CFAP20DC: variants seen among roughly 807,000 people sequenced by gnomAD.
CFAP20DC encodes the protein protein CFAP20DC.
In CFAP20DC, 84 loss-of-function variants were observed where a neutral mutation model predicts 101.7. That is an observed-to-expected ratio of 0.83 (90% CI 0.69 to 0.99). CFAP20DC has a LOEUF of 0.99. CFAP20DC is among the 50% of genes least tolerant of loss of function. The pLI is 0.00. For synonymous variants in CFAP20DC, 359 were observed against 351.2 expected, an observed-to-expected ratio of 1.02 and a Z score of -0.25; for missense variants, 1,007 against 970.3, an observed-to-expected ratio of 1.04 and a Z score of -0.50.
chr3:58,852,056 C>T (rs1024890579), intron 12 of CFAP20DC, among the ~76,000 whole-genome samples: 1 of 152,120 alleles, frequency 6.6e-6, no homozygotes, highest in Non-Finnish European at 1.5e-5. Context: ...TGCCCAAAAC[C>T]ATTGCCATGA....
intron 13 of CFAP20DC, among the ~76,000 whole-genome samples, chr3:58,839,143 T>C (rs974411560): frequency 2.0e-5 from 3 of 152,184 alleles, no homozygotes; most frequent in African/African-American, 7.2e-5. Context: ...ATACCAACAT[T>C]TGTGTGTGCT....
At chr3:58,941,843 A>G (rs1446498273) in intron 4 of CFAP20DC, among the ~76,000 whole-genome samples, 1 of 152,214 alleles carries the variant, frequency 6.6e-6, no homozygotes, top group Non-Finnish European at 1.5e-5. Context: ...GACGTGAGCC[A>G]CTGTGCCCGG....
rs2077659168 is a variant in CFAP20DC, at chr3:58,846,543, T to C, written c.1971+2489A>G. On this transcript the variant is annotated intron_variant, in intron 13 of 16. Transcript: ENST00000482387. ...TACAAACAAATGGAAGAACATTCCA[T>C]GCTCATGGGTAGGAAGAATCAATAT... Among the ~76,000 whole-genome samples the C allele has an allele frequency of 3.3e-5, 5 of 150,296 alleles. No homozygotes were observed. The South Asian group carries it at 1.1e-3, about 32-fold the overall frequency.
intron 16 of CFAP20DC, 85 bp from the exon 17 acceptor site, chr3:58,742,657 T>C (rs969751116): frequency 3.2e-6 from 3 of 925,910 alleles, no homozygotes; most frequent in Admixed American, 2.3e-5. Flanking sequence ...GGAATCACCA[T>C]CTCTCCTGGG....
intron 4 of CFAP20DC, among the ~76,000 whole-genome samples, chr3:59,016,952 G>A (rs2093701867): frequency 6.6e-6 from 1 of 152,072 alleles, no homozygotes; most frequent in African/African-American, 2.4e-5. Flanking sequence ...GATGAAGAGA[G>A]GGGTCCTGAA....
intron 12 of CFAP20DC, among the ~76,000 whole-genome samples, chr3:58,853,380 C>T (rs1449443167): frequency 1.2e-4 from 18 of 152,042 alleles, no homozygotes; most frequent in East Asian, 7.7e-4. Context: ...ACCAGATGGA[C>T]TCACAGCCGA....
In CFAP20DC at chr3:58,856,826, C is replaced by T. The variant is rs73837988; in HGVS notation, c.1593+6732G>A. ...GATGTTTTTTAATTTAGTCTGGTAGCGAGACAGGGCTATCTTTTCTCTAAT... is the reference window on the plus strand; with the variant it reads ...GATGTTTTTTAATTTAGTCTGGTAGTGAGACAGGGCTATCTTTTCTCTAAT... On this transcript the variant is annotated intron_variant, in intron 12 of 16. Coordinates refer to ENST00000482387, the MANE Select transcript of CFAP20DC (RefSeq NM_001394063.1). Among the ~76,000 whole-genome samples, 294 of 152,128 alleles carry T rather than the reference C, an allele frequency of 1.9e-3. 1 individual carries two copies. The highest frequency in any genetic ancestry group is 6.6e-3 in the African/African-American group (275 of 41,508).
chr3:58,849,307 T>C lies in CFAP20DC; in HGVS notation c.1696A>G (p.Ser566Gly). The C allele has an allele frequency of 1.3e-6, 2 of 1,536,144 alleles. No individual in the cohort carries two copies. Among genetic ancestry groups the C allele is most frequent in the Non-Finnish European group, 1.7e-6 (2 of 1,146,902 alleles). Reference protein sequence around the residue: ...SLLGKAAKRTSKEYLRSAYTE... With the variant: ...SLLGKAAKRTGKEYLRSAYTE... ...TAGGCGCTCCTTAGATATTCCTTAC[T>C]TGTCCGCTTTGCAGCCTTCCCCAGC... is the stretch of plus-strand genomic sequence containing the variant. The change falls in exon 13 of 17, where the codon AGT (serine) becomes GGT (glycine). Residue 566 changes from serine to glycine, a missense_variant. Transcript: ENST00000482387.
At chr3:58,819,670 A>G (rs1262303641) in intron 14 of CFAP20DC, among the ~76,000 whole-genome samples, 1 of 145,232 alleles carries the variant, frequency 6.9e-6, no homozygotes, top group African/African-American at 2.6e-5. Context: ...AACCAAAAAG[A>G]GTCCAGGACC....
intron 5 of CFAP20DC, among the ~76,000 whole-genome samples, chr3:58,935,282 A>G (rs990520250): frequency 1.3e-5 from 2 of 151,966 alleles, no homozygotes; most frequent in Admixed American, 1.3e-4. Context: ...GAGGATACAA[A>G]CAAATGGAAG....
In CFAP20DC at chr3:58,810,010, T is replaced by C. The variant is rs769445358; in HGVS notation, c.2176-3554A>G. 9.2e-5 allele frequency among the ~76,000 whole-genome samples: 14 copies of C among 152,208 alleles called. No homozygotes were observed. In the South Asian group the frequency reaches 1.0e-3, roughly 11 times the overall value. On this transcript the variant is annotated intron_variant, in intron 14 of 16. Transcript: ENST00000482387. ...ATCCCACGACTAAACCAGGAAGAAG[T>C]TGAATCTCTGAATAGACCAATAACA...
intron 15 of CFAP20DC, among the ~76,000 whole-genome samples, chr3:58,763,405 T>C (rs2069878375): frequency 6.6e-6 from 1 of 152,364 alleles, no homozygotes; most frequent in Admixed American, 6.5e-5. Flanking sequence ...CTTTAAGGAC[T>C]TCTCTGCATT....
intron 5 of CFAP20DC, among the ~76,000 whole-genome samples, chr3:58,927,962 A>G (rs1287518586): frequency 2.6e-5 from 4 of 152,250 alleles, no homozygotes; most frequent in Non-Finnish European, 4.4e-5. Flanking sequence ...GCAAGTTTTC[A>G]AACCAAATTT....
At chr3:58,936,617 G>A (rs553356076) in intron 5 of CFAP20DC, among the ~76,000 whole-genome samples, 69 of 152,228 alleles carry the variant, frequency 4.5e-4, no homozygotes, top group African/African-American at 1.6e-3. Context: ...AGTTCATGTC[G>A]TTTGTAGGGA....
intron 7 of CFAP20DC, among the ~76,000 whole-genome samples, chr3:58,877,486 T>C (rs2080849323): frequency 6.6e-6 from 1 of 152,218 alleles, no homozygotes; most frequent in Non-Finnish European, 1.5e-5. Flanking sequence ...TCAGGATACA[T>C]GCTCAATCTT....
chr3:58,862,517 G>T, intron 12 of CFAP20DC: 3 of 985,300 alleles, frequency 3.0e-6, no homozygotes, highest in Non-Finnish European at 3.6e-6. Flanking sequence ...GTGAAAAGAC[G>T]ATCCTCTACG....
intron 12 of CFAP20DC, among the ~76,000 whole-genome samples, chr3:58,860,320 A>T (rs559395006): frequency 2.6e-5 from 4 of 152,328 alleles, no homozygotes; most frequent in African/African-American, 9.6e-5. Context: ...CTGCTAAAAA[A>T]AACTCTTGAA....
chr3:58,871,235 G>A (rs2108532985), intron 7 of CFAP20DC, among the ~76,000 whole-genome samples: 1 of 152,320 alleles, frequency 6.6e-6, no homozygotes, highest in Non-Finnish European at 1.5e-5. Context: ...TAAAGGCATG[G>A]AAGAAGGGAA....
chr3:58,940,720 AAACTCTTC>A (rs1265996133), intron 4 of CFAP20DC, among the ~76,000 whole-genome samples: 1 of 152,208 alleles, frequency 6.6e-6, no homozygotes, highest in Non-Finnish European at 1.5e-5. Context: ...CCAGGTAAAG[AAACTCTTC>A]AACTTTAGTT....
Sources: gnomAD v4.1 joint callset for allele counts (sites outside exome capture counted in the v4.1 genomes callset) on GRCh38, gnomAD v4.1.1 for gene constraint, MANE v1.5 for transcripts, NCBI Gene and HGNC (gene_info 2026-07-23, HGNC 2026-07-21) for gene names.